The following CAMTA1 variants were observed in gnomAD, a reference collection of about 807,000 sequenced individuals.
The protein encoded by CAMTA1 is calmodulin binding transcription activator 1.
Under a neutral mutation model 170.9 loss-of-function variants are expected in CAMTA1, and 27 were observed. The observed-to-expected ratio is 0.16, with a 90% confidence interval of 0.12 to 0.22. The LOEUF (loss-of-function observed/expected upper bound fraction) is 0.22, where lower values mean the gene tolerates loss of function less well. Ranked by LOEUF, CAMTA1 falls within the 10% of genes least tolerant of loss-of-function variation. The pLI is 1.00. For missense variants in CAMTA1, 1,619 were observed against 2,217.2 expected, an observed-to-expected ratio of 0.73 and a Z score of 5.42; for synonymous variants, 833 against 891.5, an observed-to-expected ratio of 0.93 and a Z score of 1.17.
At chr1:7,379,775 C>G (rs756729846) in intron 5 of CAMTA1, among the ~76,000 whole-genome samples, 1 of 152,222 alleles carries the variant, frequency 6.6e-6, no homozygotes, top group Non-Finnish European at 1.5e-5. Context: ...GCTTTGATCT[C>G]TTGGCCTCCC....
At chr1:7,429,863 A>G (rs376813121) in intron 5 of CAMTA1, among the ~76,000 whole-genome samples, 37 of 152,288 alleles carry the variant, frequency 2.4e-4, no homozygotes, top group South Asian at 1.0e-3. Flanking sequence ...CACATCTTAC[A>G]TGGCTGGAGC....
chr1:6,883,842 TAAAG>T lies in CAMTA1; in HGVS notation c.234+58633_234+58636del, dbSNP rs1387391013. Among the ~76,000 whole-genome samples the T allele has an allele frequency of 3.3e-5, 5 of 152,246 alleles. No homozygotes were observed. In the East Asian group the frequency reaches 9.6e-4, roughly 29 times the overall value. On this transcript the variant is annotated intron_variant, in intron 3 of 22. Transcript: ENST00000303635. ...TAACCATATTTTTAATAGGTAAAAATAAAGGAAACTAATTTTAATAATATATTGT... is the reference window on the plus strand; with the variant it reads ...TAACCATATTTTTAATAGGTAAAAATGAAACTAATTTTAATAATATATTGT...
chr1:7,737,467 C>T lies in CAMTA1; in HGVS notation c.3555C>T (p.Ser1185=), dbSNP rs199540107. Residue 1185 remains serine (S), a synonymous_variant, in exon 15 of 23, where the codon AGC becomes AGT. Coordinates refer to ENST00000303635, the MANE Select transcript of CAMTA1 (RefSeq NM_015215.4). ...ACCCCAGAATCCACTGTCCTGCAAG[C>T]GAAGAGCCCAGCACAGAGAGCTGGA... ...GQNPRIHCPA[S]EEPSTESWMA... 1.5e-4 allele frequency: 249 copies of T among 1,614,090 alleles called. No individual in the cohort carries two copies. Among genetic ancestry groups the T allele is most frequent in the Admixed American group, 4.2e-4 (25 of 60,018 alleles).
intron 5 of CAMTA1, among the ~76,000 whole-genome samples, chr1:7,291,219 C>T (rs1178501817): frequency 1.3e-5 from 2 of 152,072 alleles, no homozygotes; most frequent in Non-Finnish European, 2.9e-5. Context: ...GGGACGAAGA[C>T]GGGCAGAGAC....
chr1:7,523,430 C>T (rs376238686), intron 6 of CAMTA1, among the ~76,000 whole-genome samples: 69 of 152,270 alleles, frequency 4.5e-4, no homozygotes, highest in African/African-American at 1.2e-3. Flanking sequence ...ATAGATAAAT[C>T]GGAAGAGAAT....
intron 11 of CAMTA1, among the ~76,000 whole-genome samples, chr1:7,725,990 G>A (rs1349627651): frequency 6.6e-5 from 10 of 152,094 alleles, no homozygotes; most frequent in African/African-American, 1.9e-4. Flanking sequence ...GCCTCTAGCC[G>A]GGAACAGGCA....
rs1296690897 is a variant in CAMTA1 at position 7,745,919 on chromosome 1, T to C, written c.4445T>C (p.Ile1482Thr). ...LSPVGSPVSE[I>T]AFEKPNLPSA... ...CCTGTTGGCTCTCCCGTCAGTGAAA[T>C]CGCTTTCGAGAAACCTAACCTTCCC... The change falls in exon 18 of 23, where the codon ATC (isoleucine) becomes ACC (threonine). Residue 1482 changes from isoleucine (I) to threonine (T), a missense_variant. Around this residue, in one of 8 missense-constraint regions of CAMTA1, gnomAD observed 370 missense variants for 429.4 expected, o/e 0.86. Coordinates refer to ENST00000303635, the MANE Select transcript of CAMTA1 (RefSeq NM_015215.4). 2 of 1,614,200 alleles carry C rather than the reference T, an allele frequency of 1.2e-6. No individual in the cohort carries two copies. The highest frequency in any genetic ancestry group is 3.3e-5 in the Admixed American group (2 of 60,024).
intron 4 of CAMTA1, among the ~76,000 whole-genome samples, chr1:7,223,606 T>C (rs1196824618): frequency 1.3e-5 from 2 of 152,094 alleles, no homozygotes; most frequent in Non-Finnish European, 2.9e-5. Flanking sequence ...TGCCTGCCAT[T>C]TATATGAGGC....
At chr1:7,103,441 A>G (rs972913716) in intron 4 of CAMTA1, among the ~76,000 whole-genome samples, 2 of 139,144 alleles carry the variant, frequency 1.4e-5, no homozygotes, top group Admixed American at 7.2e-5. Context: ...CACACTACAC[A>G]CATGCACACA....
In CAMTA1 at chr1:7,562,672, G is replaced by A. The variant is rs979340095; in HGVS notation, c.511-77728G>A. Among the ~76,000 whole-genome samples, 2 of 152,240 alleles carry A rather than the reference G, an allele frequency of 1.3e-5. No homozygotes were observed. The highest frequency in any genetic ancestry group is 4.8e-5 in the African/African-American group (2 of 41,462). ...TACCCAAATTGTACGCCACTGCTCA[G>A]ATGGTTTATCTGACCCCGCAGCTGG... On this transcript the variant is annotated intron_variant, in intron 6 of 22. Transcript: ENST00000303635. The surrounding 1 kb of genome is among the most constrained non-coding windows in gnomAD (Gnocchi z 4.8).
chr1:6,919,732 C>T (rs1416662275), intron 3 of CAMTA1, among the ~76,000 whole-genome samples: 2 of 152,162 alleles, frequency 1.3e-5, no homozygotes, highest in South Asian at 2.1e-4. Flanking sequence ...ACAATCATGG[C>T]GGAAGGCAAG....
chr1:7,598,854 A>G (rs2095420145), intron 6 of CAMTA1, among the ~76,000 whole-genome samples: 2 of 152,020 alleles, frequency 1.3e-5, no homozygotes, highest in South Asian at 4.2e-4. Context: ...TTGTCAGATG[A>G]GTAGATTGCA....
At chr1:7,503,607 C>T (rs374206957) in intron 6 of CAMTA1, among the ~76,000 whole-genome samples, 2 of 152,210 alleles carry the variant, frequency 1.3e-5, no homozygotes, top group African/African-American at 4.8e-5. Flanking sequence ...CCAGGCCTGA[C>T]AGTGGCCAGG....
chr1:7,270,402 C>A (rs1669622575), intron 5 of CAMTA1, among the ~76,000 whole-genome samples: 2 of 150,798 alleles, frequency 1.3e-5, no homozygotes, highest in Non-Finnish European at 2.9e-5. Context: ...TCAAGCGATT[C>A]TCCTGCCTCA....
At chr1:7,618,188 G>A (rs996561134) in intron 6 of CAMTA1, among the ~76,000 whole-genome samples, 3 of 152,164 alleles carry the variant, frequency 2.0e-5, no homozygotes, top group African/African-American at 4.8e-5. Flanking sequence ...CGACCCTGAG[G>A]ACACTGACTC....
intron 4 of CAMTA1, among the ~76,000 whole-genome samples, chr1:7,210,610 C>T (rs754982617): frequency 2.6e-5 from 4 of 152,136 alleles, no homozygotes; most frequent in Non-Finnish European, 4.4e-5. Context: ...TAAACTTTTA[C>T]CCCTTGATTT....
At chr1:7,327,231 T>C (rs908044918) in intron 5 of CAMTA1, among the ~76,000 whole-genome samples, 1 of 151,562 alleles carries the variant, frequency 6.6e-6, no homozygotes, top group African/African-American at 2.4e-5. Flanking sequence ...GGTGAAACCC[T>C]GTCTCTACTA....
At chr1:7,108,465 C>T (rs1368621858) in intron 4 of CAMTA1, among the ~76,000 whole-genome samples, 1 of 152,130 alleles carries the variant, frequency 6.6e-6, no homozygotes, top group East Asian at 1.9e-4. Flanking sequence ...CCAGTTCTTC[C>T]TCACTTCTGC....
intron 1 of CAMTA1, among the ~76,000 whole-genome samples, chr1:6,802,575 G>T (rs951668420): frequency 2.0e-5 from 3 of 152,204 alleles, no homozygotes; most frequent in African/African-American, 7.2e-5. Flanking sequence ...ACTCCTAAAG[G>T]AGTGTCTTAT....
Sources: gnomAD v4.1 joint callset for allele counts (sites outside exome capture counted in the v4.1 genomes callset) on GRCh38, gnomAD v4.1.1 for gene constraint, gnomAD v4.1.1 regional missense constraint, Gnocchi (gnomAD v3.1) non-coding constraint, MANE v1.5 for transcripts, NCBI Gene and HGNC (gene_info 2026-07-23, HGNC 2026-07-21) for gene names.